The following SPMAP2L variants were observed in gnomAD, a reference collection of about 807,000 sequenced individuals.
SPMAP2L encodes sperm microtubule associated protein 2-like.
At chr4:56,543,245 G>A in the SPMAP2L span, among the ~76,000 whole-genome samples, 2 of 151,622 alleles carry the variant, frequency 1.3e-5, no homozygotes, top group Non-Finnish European at 2.9e-5. Flanking sequence ...CACCACACCA[G>A]GCTAATATTT....
At chr4:56,567,301 A>C in the SPMAP2L span, among the ~76,000 whole-genome samples, 1 of 150,410 alleles carries the variant, frequency 6.6e-6, no homozygotes, top group Non-Finnish European at 1.5e-5. Flanking sequence ...GAGTGTCGCC[A>C]TGTCACCCAG....
chr4:56,548,724 C>T, the SPMAP2L span: 1 of 1,110,534 alleles, frequency 9.0e-7, no homozygotes, highest in East Asian at 2.9e-5. Flanking sequence ...ATTTGTGATG[C>T]TATCTTAATC....
the SPMAP2L span, among the ~76,000 whole-genome samples, chr4:56,540,231 T>C: frequency 6.6e-6 from 1 of 152,186 alleles, no homozygotes; most frequent in African/African-American, 2.4e-5. Context: ...ATGCATATAG[T>C]GGAGGACCGG....
the SPMAP2L span, among the ~76,000 whole-genome samples, chr4:56,588,166 G>A: frequency 6.6e-6 from 1 of 152,060 alleles, no homozygotes; most frequent in African/African-American, 2.4e-5. Context: ...TAATGGGATT[G>A]TTTGTTTTCT....
the SPMAP2L span, among the ~76,000 whole-genome samples, chr4:56,542,901 C>A: frequency 6.6e-6 from 1 of 151,922 alleles, no homozygotes; most frequent in East Asian, 1.9e-4. Flanking sequence ...TTATTAGATT[C>A]TATTATTTTG....
chr4:56,576,756 T>C, the SPMAP2L span, among the ~76,000 whole-genome samples: 22 of 152,196 alleles, frequency 1.4e-4, no homozygotes, highest in African/African-American at 5.3e-4. Context: ...ACATAAAATT[T>C]GGTAGTTATG....
chr4:56,583,261 G>A, the SPMAP2L span, among the ~76,000 whole-genome samples: 11 of 150,894 alleles, frequency 7.3e-5, no homozygotes, highest in Non-Finnish European at 7.4e-5. Flanking sequence ...GTGACAGAGC[G>A]AGACTCCATC....
chr4:56,557,257 CAAAAAA>C, the SPMAP2L span, among the ~76,000 whole-genome samples: 9 of 126,992 alleles, frequency 7.1e-5, no homozygotes, highest in Non-Finnish European at 1.0e-4. Context: ...GACTCTGTCT[CAAAAAA>C]AAAAAAAAGA....
At chr4:56,536,290 C>T in the SPMAP2L span, among the ~76,000 whole-genome samples, 2 of 152,264 alleles carry the variant, frequency 1.3e-5, no homozygotes, top group African/African-American at 4.8e-5. Flanking sequence ...CTACTACTCC[C>T]CTGTCGGTTT....
At chr4:56,531,550 A>C in the SPMAP2L span, among the ~76,000 whole-genome samples, 1 of 152,046 alleles carries the variant, frequency 6.6e-6, no homozygotes, top group African/African-American at 2.4e-5. Flanking sequence ...CTTGTATTTC[A>C]CCATTCATCT....
At chr4:56,595,233 G>A in the SPMAP2L span, 1 of 1,611,798 alleles carries the variant, frequency 6.2e-7, no homozygotes, top group South Asian at 1.1e-5. Context: ...GAGGTTATGT[G>A]GGTCATGAAT....
the SPMAP2L span, chr4:56,575,549 A>T: frequency 6.5e-7 from 1 of 1,535,436 alleles, no homozygotes; most frequent in Non-Finnish European, 8.7e-7. Context: ...GTAATTTGGG[A>T]GATCACTCCT....
the SPMAP2L span, among the ~76,000 whole-genome samples, chr4:56,540,903 A>G: frequency 0.011 from 1,741 of 152,344 alleles, 23 homozygotes; most frequent in Non-Finnish European, 0.018. Context: ...AGAAATGTCA[A>G]TGTTTGAACA....
the SPMAP2L span, among the ~76,000 whole-genome samples, chr4:56,615,388 G>T: frequency 6.6e-6 from 1 of 152,292 alleles, no homozygotes; most frequent in East Asian, 1.9e-4. Flanking sequence ...CGCTATGCCC[G>T]CAGGCACTAA....
chr4:56,593,402 GT>G, the SPMAP2L span: 2 of 1,367,446 alleles, frequency 1.5e-6, no homozygotes, highest in Non-Finnish European at 2.1e-6. Flanking sequence ...AAGTTACCCT[GT>G]GAAATGGACT....
chr4:56,593,924 A>T, the SPMAP2L span: 1 of 1,609,002 alleles, frequency 6.2e-7, no homozygotes, highest in Non-Finnish European at 8.5e-7. Context: ...AGAAGGTCTC[A>T]AGCGAGCAGG....
chr4:56,552,465 TC>T, the SPMAP2L span: 30 of 662,324 alleles, frequency 4.5e-5, 1 homozygote, highest in East Asian at 3.1e-4. Flanking sequence ...TTCTTTTTTT[TC>T]CCCCCTCCTA....
the SPMAP2L span, chr4:56,601,079 G>A: frequency 1.3e-6 from 2 of 1,534,816 alleles, no homozygotes; most frequent in Non-Finnish European, 8.7e-7. Context: ...GCATCACCTA[G>A]GATTCAGGAA....
At chr4:56,531,906 G>C in the SPMAP2L span, among the ~76,000 whole-genome samples, 1 of 152,024 alleles carries the variant, frequency 6.6e-6, no homozygotes, top group African/African-American at 2.4e-5. Flanking sequence ...CGATTCCATG[G>C]TCTGCCATTG....
Sources: gnomAD v4.1 joint callset for allele counts (sites outside exome capture counted in the v4.1 genomes callset) on GRCh38, gnomAD v4.1.1 for gene constraint, MANE v1.5 for transcripts, NCBI Gene and HGNC (gene_info 2026-07-23, HGNC 2026-07-21) for gene names.